The following OSBPL5 variants were observed in gnomAD, a reference collection of about 807,000 sequenced individuals.
The protein encoded by OSBPL5 is oxysterol-binding protein-related protein 5.
OSBPL5 carries 71 observed loss-of-function variants against 111.2 expected under a neutral mutation model. The observed-to-expected ratio is 0.64, with a 90% CI of 0.53 to 0.78. The LOEUF is 0.78. Among genes scored for constraint, OSBPL5 ranks in the 30% least tolerant of loss-of-function variants. The probability of loss-of-function intolerance (pLI) is 0.00; values close to 1 mark genes in which losing one functional copy is unlikely to be tolerated. For missense variants in OSBPL5, 1,210 were observed against 1,189.3 expected (o/e 1.02, Z -0.26); for synonymous variants, 549 against 513.9 (o/e 1.07, Z -0.93).
chr11:3,094,254 G>C lies in OSBPL5; in HGVS notation c.1702C>G (p.Leu568Val), dbSNP rs1857169277. 1 of 1,613,402 alleles carries C rather than the reference G, an allele frequency of 6.2e-7. No individual in the cohort carries two copies. Among genetic ancestry groups the C allele is most frequent in the Non-Finnish European group, 8.5e-7 (1 of 1,179,960 alleles). Reference sequence around the variant, plus strand: ...AGCGCTACCTTGAGTTTGAATTCCAGCTGGGCCTGGAAGTTGTTCTTCGCA... The same window carrying C: ...AGCGCTACCTTGAGTTTGAATTCCACCTGGGCCTGGAAGTTGTTCTTCGCA... ...ECAKNNFQAQ[L>V]EFKLKPFFGG... The change falls in exon 15 of 22, where the codon CTG becomes GTG. Residue 568 changes from leucine (L) to valine (V), a missense_variant. Physicochemically the swap from Leu to Val is conservative, Grantham distance 32. Coordinates refer to ENST00000263650, the MANE Select transcript of OSBPL5 (RefSeq NM_020896.4).
At chr11:3,122,480 C>G in intron 3 of OSBPL5, 52 bp from the exon 4 acceptor site, 3 of 1,568,332 alleles carry the variant, frequency 1.9e-6, no homozygotes, top group Non-Finnish European at 2.6e-6. Flanking sequence ...CGGCCCAGGG[C>G]TAGGAGCCCA....
At chr11:3,160,626 C>G (rs1218734679) in intron 1 of OSBPL5, among the ~76,000 whole-genome samples, 1 of 152,190 alleles carries the variant, frequency 6.6e-6, no homozygotes, top group Non-Finnish European at 1.5e-5. Context: ...CAACACCACG[C>G]CTTCCTCTGC....
At chr11:3,163,640 T>C (rs1847030588) in intron 1 of OSBPL5, among the ~76,000 whole-genome samples, 1 of 152,202 alleles carries the variant, frequency 6.6e-6, no homozygotes, top group Non-Finnish European at 1.5e-5. Context: ...CCACTGGACA[T>C]GCAGGATGGC....
intron 1 of OSBPL5, among the ~76,000 whole-genome samples, chr11:3,156,442 G>A (rs1404973510): frequency 1.3e-5 from 2 of 152,158 alleles, no homozygotes; most frequent in Non-Finnish European, 1.5e-5. Flanking sequence ...CAGTGGTCAC[G>A]TGACATCTGT....
intron 1 of OSBPL5, among the ~76,000 whole-genome samples, chr11:3,136,635 G>A (rs1248857517): frequency 1.3e-5 from 2 of 152,228 alleles, no homozygotes; most frequent in East Asian, 1.9e-4. Flanking sequence ...TGTAAATCAG[G>A]ACTTGCTCTG....
chr11:3,103,208 G>GC lies in OSBPL5; in HGVS notation c.1326+30dup, dbSNP rs762333590. On this transcript the variant is annotated intron_variant, in intron 11 of 21. Coordinates refer to ENST00000263650, the MANE Select transcript of OSBPL5 (RefSeq NM_020896.4). ...TGAGCAGACAGACTCCTGGGCCGGA[G>GC]CCCCACCCTCCCTGGCTGGCAGGGG... 1.4e-4 allele frequency: 212 copies of GC among 1,569,286 alleles called. No homozygotes were observed. In the African/African-American group the frequency reaches 2.6e-3, roughly 19 times the overall value.
In OSBPL5 at chr11:3,110,188, G is replaced by T. The variant is rs7925089; in HGVS notation, c.692-2243C>A. Among the ~76,000 whole-genome samples, 76,803 of 152,048 alleles carry T rather than the reference G, an allele frequency of 0.51. 21,143 individuals are homozygous for T. The highest frequency in any genetic ancestry group is 0.71 in the African/African-American group (29,411 of 41,470). On this transcript the variant is annotated intron_variant, in intron 7 of 21. Transcript: ENST00000263650. The surrounding 1 kb of genome is among the most constrained non-coding windows in gnomAD (Gnocchi z 5.3). ...CACCGGAGCCCCGTGGTCAAGGCCAGACTGCTTTAGGTCTGCACCACCGGC... is the reference window on the plus strand; with the variant it reads ...CACCGGAGCCCCGTGGTCAAGGCCATACTGCTTTAGGTCTGCACCACCGGC...
chr11:3,090,015 G>C, intron 20 of OSBPL5, 67 bp from the exon 21 acceptor site: 6 of 1,287,486 alleles, frequency 4.7e-6, no homozygotes, highest in Non-Finnish European at 6.3e-6. Context: ...AGGTCCAGTG[G>C]GGCTGGCACG....
At chr11:3,131,004 C>G (rs913964075) in intron 1 of OSBPL5, among the ~76,000 whole-genome samples, 1 of 152,100 alleles carries the variant, frequency 6.6e-6, no homozygotes, top group Admixed American at 6.5e-5. Context: ...CACAGAGAGC[C>G]CCGGAATGTC....
chr11:3,103,804 CCCTCTTCCTGCCTGCGCA>C (rs1564830314), intron 10 of OSBPL5, among the ~76,000 whole-genome samples: 8 of 45,502 alleles, frequency 1.8e-4, no homozygotes, highest in Non-Finnish European at 4.7e-4. Flanking sequence ...GCCTCTGCAG[CCCTCTTCCTGCCTGCGCA>C]GCCCCCTTCC....
At chr11:3,128,371 G>T (rs186785365) in intron 2 of OSBPL5, among the ~76,000 whole-genome samples, 2 of 152,332 alleles carry the variant, frequency 1.3e-5, no homozygotes, top group Admixed American at 1.3e-4. Context: ...AGGGGAACAG[G>T]GGAGGAAGGG....
chr11:3,091,183 AC>A (rs1857043980), intron 19 of OSBPL5, among the ~76,000 whole-genome samples: 1 of 152,276 alleles, frequency 6.6e-6, no homozygotes, highest in African/African-American at 2.4e-5. Context: ...GCTGCTCACA[AC>A]CCCAGGAGTG....
Position 3,129,005 on chromosome 11 carries a change from G to C in OSBPL5, c.136+8C>G, listed in dbSNP as rs1260413856. On this transcript the variant is annotated splice_region_variant and intron_variant, in intron 2 of 21. Coordinates refer to ENST00000263650, the MANE Select transcript of OSBPL5 (RefSeq NM_020896.4). ...GGCCAGGTTGCCCTGCCCACGGCCG[G>C]CACTTACCTGGGCTGAGTGGGTAGA... is the stretch of plus-strand genomic sequence containing the variant. The C allele has an allele frequency of 6.5e-7, 1 of 1,549,416 alleles. No individual in the cohort carries two copies. The highest frequency in any genetic ancestry group is 8.7e-7 in the Non-Finnish European group (1 of 1,148,368).
chr11:3,089,714 G>T, intron 21 of OSBPL5, 132 bp downstream of exon 21: 1 of 775,712 alleles, frequency 1.3e-6, no homozygotes, highest in Non-Finnish European at 2.2e-6. Context: ...CACCCTGCAG[G>T]TCTTGTGGGT....
Position 3,105,746 on chromosome 11 carries a change from G to A in OSBPL5, c.1060-1369C>T, listed in dbSNP as rs1857669580. Among the ~76,000 whole-genome samples, 1 of 152,150 alleles carries A rather than the reference G, an allele frequency of 6.6e-6. No homozygotes were observed. The highest frequency in any genetic ancestry group is 2.4e-5 in the African/African-American group (1 of 41,424). ...TCTGTGCTCGGCCTCTGAAGGTTGG[G>A]TGCCCGGGCCCCTTGGCTGCCCGCT... On this transcript the variant is annotated intron_variant, in intron 9 of 21. Coordinates refer to ENST00000263650, the MANE Select transcript of OSBPL5 (RefSeq NM_020896.4). This position sits in a 1 kb window ranked among gnomAD's most constrained non-coding sequence, Gnocchi z 5.2.
intron 12 of OSBPL5, 117 bp from the exon 13 acceptor site, chr11:3,101,816 G>C (rs373377581): frequency 4.7e-6 from 4 of 846,806 alleles, no homozygotes; most frequent in Non-Finnish European, 7.4e-6. Context: ...CTTCTCCCCC[G>C]ATCCCAGGAT....
chr11:3,111,036 C>A lies in OSBPL5; in HGVS notation c.692-3091G>T, dbSNP rs112169160. ...CACTGAAGGATTCTGAGTGGAGATG[C>A]CCCTGACTTTTCACAAGTCTCCTAT... On this transcript the variant is annotated intron_variant, in intron 7 of 21. Coordinates refer to ENST00000263650, the MANE Select transcript of OSBPL5 (RefSeq NM_020896.4). Among the ~76,000 whole-genome samples, 39 of 152,152 alleles carry A rather than the reference C, an allele frequency of 2.6e-4. No homozygotes were observed. In the South Asian group the frequency reaches 8.1e-3, roughly 32 times the overall value.
chr11:3,143,344 C>T lies in OSBPL5; in HGVS notation c.-21-14175G>A, dbSNP rs189807646. On this transcript the variant is annotated intron_variant, in intron 1 of 21. Transcript: ENST00000263650. ...TGGGGGGCTGCACTGTGGGCGAAAA[C>T]GCACGGACGCGACACACCCAAGAGA... 9.6e-4 allele frequency among the ~76,000 whole-genome samples: 146 copies of T among 152,236 alleles called. 1 individual carries two copies. The highest frequency in any genetic ancestry group is 3.3e-3 in the African/African-American group (137 of 41,534).
rs1857885477 is a variant in OSBPL5 at position 3,110,522 on chromosome 11, T to C, written c.692-2577A>G. On this transcript the variant is annotated intron_variant, in intron 7 of 21. Transcript: ENST00000263650. The surrounding 1 kb of genome is among the most constrained non-coding windows in gnomAD (Gnocchi z 5.3). ...CCTCAGTTTCCTGACCTGTCTAATGTGGATGATAACAGTAGAACCTGTTGT... is the reference window on the plus strand; with the variant it reads ...CCTCAGTTTCCTGACCTGTCTAATGCGGATGATAACAGTAGAACCTGTTGT... Among the ~76,000 whole-genome samples, 1 of 152,166 alleles carries C rather than the reference T, an allele frequency of 6.6e-6. No individual in the cohort carries two copies. Among genetic ancestry groups the C allele is most frequent in the African/African-American group, 2.4e-5 (1 of 41,432 alleles).
Sources: allele counts gnomAD v4.1 joint callset (sites outside exome capture counted in the v4.1 genomes callset), GRCh38; gene constraint gnomAD v4.1.1; non-coding constraint Gnocchi (gnomAD v3.1); transcripts MANE v1.5; gene names NCBI Gene and HGNC (gene_info 2026-07-23, HGNC 2026-07-21).